The following MREG variants were observed in gnomAD, a reference collection of about 807,000 sequenced individuals.
The protein encoded by MREG is melanoregulin, also known as dilute suppressor protein homolog.
In MREG, 31 loss-of-function variants were observed where a neutral mutation model predicts 28.5. The ratio of observed to expected loss-of-function variants is 1.09; its 90% CI spans 0.82 to 1.47. The LOEUF is 1.47. Ranked by LOEUF, MREG falls within the 40% of genes most tolerant of loss-of-function variation. The pLI, the probability that MREG is intolerant of heterozygous loss-of-function variation, is 0.00. For synonymous variants in MREG, 106 were observed against 95.2 expected, an observed-to-expected ratio of 1.11 and a Z score of -0.66; for missense variants, 256 against 257.4, an observed-to-expected ratio of 0.99 and a Z score of 0.04.
chr2:215,959,783 T>C (rs1692729251), intron 2 of MREG, among the ~76,000 whole-genome samples: 1 of 152,204 alleles, frequency 6.6e-6, no homozygotes, highest in African/African-American at 2.4e-5. Context: ...ACCATGTTCA[T>C]TCATGGCCTC....
rs893950622 is a variant in MREG at position 215,947,014 on chromosome 2, T to C, written c.346+9A>G. The C allele has an allele frequency of 4.6e-6, 7 of 1,523,446 alleles. No homozygotes were observed. The Middle Eastern group carries it at 5.1e-4, about 110-fold the overall frequency. The allele number at this position is 1,523,446 out of a possible 1,614,324, so 94.4% of individuals were successfully genotyped here. On this transcript the variant is annotated intron_variant, in intron 3 of 4. Transcript: ENST00000263268. ...ATTTTTACCATTTCACAATCTCTTT[T>C]AGACTTACCTAAATCTTCTAAGATG...
At chr2:216,027,212 A>T (rs1240566929) in intron 1 of MREG, among the ~76,000 whole-genome samples, 1 of 152,206 alleles carries the variant, frequency 6.6e-6, no homozygotes, top group Non-Finnish European at 1.5e-5. Flanking sequence ...GCTGTAATAC[A>T]TTTGGTGTTT....
At chr2:215,985,217 AAAT>A (rs1336734981) in intron 2 of MREG, among the ~76,000 whole-genome samples, 3 of 152,356 alleles carry the variant, frequency 2.0e-5, no homozygotes, top group South Asian at 2.1e-4. Flanking sequence ...TACAATTATT[AAAT>A]AATAAGTTGT....
intron 1 of MREG, among the ~76,000 whole-genome samples, chr2:215,997,085 A>G (rs1229174621): frequency 6.6e-6 from 1 of 152,090 alleles, no homozygotes; most frequent in Non-Finnish European, 1.5e-5. Flanking sequence ...CCAGCCAGGA[A>G]TAGAATTCTT....
chr2:216,026,652 C>A (rs1170764656), intron 1 of MREG, among the ~76,000 whole-genome samples: 1 of 152,166 alleles, frequency 6.6e-6, no homozygotes, highest in Non-Finnish European at 1.5e-5. Context: ...TGAGCCACCA[C>A]AACTGGCTAA....
intron 2 of MREG, among the ~76,000 whole-genome samples, chr2:215,964,399 G>T (rs577651937): frequency 1.1e-3 from 170 of 152,110 alleles, no homozygotes; most frequent in African/African-American, 3.8e-3. Context: ...CACCAGAATC[G>T]CTTGAACCCA....
At chr2:216,006,486 C>G (rs1694157436) in intron 1 of MREG, among the ~76,000 whole-genome samples, 1 of 152,350 alleles carries the variant, frequency 6.6e-6, no homozygotes. Flanking sequence ...CCTGCAGGCA[C>G]TTCCTGTGAA....
rs1427942319 is a variant in MREG at position 215,945,598 on chromosome 2, C to T, written c.483G>A (p.Glu161=). The change falls in exon 4 of 5, where the codon GAG becomes GAA. Residue 161 remains glutamate, a synonymous_variant. Coordinates refer to ENST00000263268, the MANE Select transcript of MREG (RefSeq NM_018000.3). ...CAACAAAGAGATATCTCTCTGAGAG[C>T]TCCCAACTTGTTGGGAAAATATTGG... ...EETNIFPTSW[E]LSERYLFVVD... is the part of the protein sequence containing the mutation. 1 of 1,613,886 alleles carries T rather than the reference C, an allele frequency of 6.2e-7. No homozygotes were observed. Among genetic ancestry groups the T allele is most frequent in the Non-Finnish European group, 8.5e-7 (1 of 1,179,828 alleles).
At chr2:215,948,677 G>C (rs1692385279) in intron 2 of MREG, among the ~76,000 whole-genome samples, 1 of 152,180 alleles carries the variant, frequency 6.6e-6, no homozygotes, top group Non-Finnish European at 1.5e-5. Context: ...AAAATACTGT[G>C]GGTGCTGAGC....
chr2:216,030,664 T>C (rs1231299606), intron 1 of MREG, among the ~76,000 whole-genome samples: 1 of 151,864 alleles, frequency 6.6e-6, no homozygotes, highest in Non-Finnish European at 1.5e-5. Context: ...TGCCTCAGCC[T>C]GCTAAGTAGC....
At chr2:215,983,086 C>G (rs1693472792) in intron 2 of MREG, among the ~76,000 whole-genome samples, 1 of 152,204 alleles carries the variant, frequency 6.6e-6, no homozygotes. Context: ...TCCAGATAAT[C>G]TGGACCTCAA....
In MREG at chr2:215,996,412, T is replaced by A. The variant is rs1244558669; in HGVS notation, c.149A>T (p.Lys50Met). The change falls in exon 2 of 5, where the codon AAG becomes ATG. Residue 50 changes from lysine to methionine, a missense_variant. By Grantham distance (95) the Lys-to-Met change is moderately conservative. Coordinates refer to ENST00000263268, the MANE Select transcript of MREG (RefSeq NM_018000.3). The part of the protein sequence containing the change: ...FGATLVRDDE[K>M]NLWSMPHDVS... ...ATCATGGGGCATACTCCATAAATTC[T>A]TCTCATCATCCCTCACCAGAGTTGC... is the stretch of plus-strand genomic sequence containing the variant. 6.2e-7 allele frequency: 1 copy of A among 1,613,906 alleles called. No homozygotes were observed. The highest frequency in any genetic ancestry group is 8.5e-7 in the Non-Finnish European group (1 of 1,179,778).
At chr2:215,951,546 G>A (rs905650810) in intron 2 of MREG, among the ~76,000 whole-genome samples, 7 of 152,080 alleles carry the variant, frequency 4.6e-5, no homozygotes, top group South Asian at 2.1e-4. Context: ...ATGTGATGCC[G>A]TGGCCCTGAA....
chr2:216,014,006 C>A (rs1694387048), upstream of MREG, among the ~76,000 whole-genome samples: 1 of 152,020 alleles, frequency 6.6e-6, no homozygotes, highest in Non-Finnish European at 1.5e-5. Context: ...GTGAGGCAAC[C>A]ACTTGTGAGT....
At chr2:215,958,297 T>TA (rs977262617) in intron 2 of MREG, among the ~76,000 whole-genome samples, 4 of 150,646 alleles carry the variant, frequency 2.7e-5, no homozygotes, top group African/African-American at 9.8e-5. Flanking sequence ...AATAAATAAA[T>TA]AAAATAAAAG....
At chr2:216,015,524 C>T (rs933009421), upstream of MREG, among the ~76,000 whole-genome samples, 2 of 152,156 alleles carry the variant, frequency 1.3e-5, no homozygotes, top group Non-Finnish European at 2.9e-5. Context: ...TTTTGCTCCA[C>T]ATGAGCTGAG....
At chr2:216,002,923 C>T (rs560847657) in intron 1 of MREG, among the ~76,000 whole-genome samples, 1 of 150,528 alleles carries the variant, frequency 6.6e-6, no homozygotes, top group South Asian at 2.1e-4. Context: ...TCTCCCTCTC[C>T]TCCTCTCTCC....
intron 2 of MREG, among the ~76,000 whole-genome samples, chr2:215,969,452 T>C (rs1222881351): frequency 1.3e-5 from 2 of 152,194 alleles, no homozygotes; most frequent in African/African-American, 4.8e-5. Context: ...CTCCTGCCAA[T>C]TTCATGGGTG....
chr2:215,959,597 A>C (rs1692723884), intron 2 of MREG, among the ~76,000 whole-genome samples: 1 of 152,178 alleles, frequency 6.6e-6, no homozygotes, highest in Non-Finnish European at 1.5e-5. Context: ...CCCTCCCTGA[A>C]AACTTCAGTT....
Sources: allele counts gnomAD v4.1 joint callset (sites outside exome capture counted in the v4.1 genomes callset), GRCh38; gene constraint gnomAD v4.1.1; transcripts MANE v1.5; gene names NCBI Gene and HGNC (gene_info 2026-07-23, HGNC 2026-07-21).